USH2A: variants seen among roughly 807,000 people sequenced by gnomAD.
USH2A encodes usherin, also known as Usher syndrome 2A (autosomal recessive, mild).
In USH2A, 443 loss-of-function variants were observed where a neutral mutation model predicts 538.9. The ratio of observed to expected loss-of-function variants is 0.82; its 90% CI spans 0.76 to 0.89. The LOEUF (loss-of-function observed/expected upper bound fraction) is 0.89, where lower values mean the gene tolerates loss of function less well. USH2A is among the 40% of genes least tolerant of loss of function. The probability of loss-of-function intolerance (pLI) is 0.00; values close to 1 mark genes in which losing one functional copy is unlikely to be tolerated. For missense variants in USH2A, 6,633 were observed against 6,324.8 expected (o/e 1.05, Z -1.65); for synonymous variants, 2,413 against 2,273.5 (o/e 1.06, Z -1.75).
At chr1:215,991,517 A>G (rs1266619464) in intron 35 of USH2A, among the ~76,000 whole-genome samples, 4 of 152,220 alleles carry the variant, frequency 2.6e-5, no homozygotes, top group East Asian at 1.9e-4. Flanking sequence ...TTAAATGTCT[A>G]ACCATTGTAC....
At chr1:216,418,431 G>A (rs1266093505) in intron 3 of USH2A, 83 bp downstream of exon 3, 1 of 1,495,358 alleles carries the variant, frequency 6.7e-7, no homozygotes, top group African/African-American at 1.4e-5. Flanking sequence ...TGCAGATTTT[G>A]TGAGTAGATG....
At chr1:215,789,048 A>T (rs1223785289) in intron 51 of USH2A, among the ~76,000 whole-genome samples, 4 of 152,182 alleles carry the variant, frequency 2.6e-5, no homozygotes, top group Non-Finnish European at 5.9e-5. Context: ...TCCCATGGTG[A>T]TCCATTCCAG....
chr1:215,863,782 C>T (rs1664392965), intron 44 of USH2A, among the ~76,000 whole-genome samples: 1 of 151,820 alleles, frequency 6.6e-6, no homozygotes, highest in East Asian at 1.9e-4. Context: ...CGAGACTAAC[C>T]TAAGCATAGG....
chr1:215,773,369 G>A (rs1571672062), intron 55 of USH2A, among the ~76,000 whole-genome samples: 2 of 152,016 alleles, frequency 1.3e-5, no homozygotes, highest in African/African-American at 2.4e-5. Context: ...CTATGTAAAT[G>A]TCATACTTGA....
At chr1:216,130,708 CATTG>C (rs1289350226) in intron 21 of USH2A, among the ~76,000 whole-genome samples, 3 of 150,080 alleles carry the variant, frequency 2.0e-5, no homozygotes, top group Non-Finnish European at 4.4e-5. Flanking sequence ...TTTTTCCACA[CATTG>C]ATTGAAGGGC....
intron 37 of USH2A, among the ~76,000 whole-genome samples, chr1:215,945,711 T>G (rs900671772): frequency 6.6e-6 from 1 of 152,088 alleles, no homozygotes; most frequent in African/African-American, 2.4e-5. Flanking sequence ...TGTTCAGAAC[T>G]CATAGATGTC....
intron 9 of USH2A, among the ~76,000 whole-genome samples, chr1:216,300,493 G>T (rs1442627169): frequency 6.6e-6 from 1 of 152,270 alleles, no homozygotes; most frequent in South Asian, 2.1e-4. Flanking sequence ...CCGCTAAGTT[G>T]CAGCCAAATA....
At chr1:216,356,385 ATTC>A (rs370689977) in intron 4 of USH2A, among the ~76,000 whole-genome samples, 1,672 of 152,166 alleles carry the variant, frequency 0.011, 36 homozygotes, top group African/African-American at 0.035. Context: ...AATATTTTTA[ATTC>A]TTATTATAAA....
intron 47 of USH2A, among the ~76,000 whole-genome samples, chr1:215,822,974 G>C (rs974559373): frequency 3.9e-5 from 6 of 151,922 alleles, no homozygotes; most frequent in Non-Finnish European, 8.8e-5. Context: ...GTCTCAATTT[G>C]TATATTTTTA....
chr1:216,086,467 A>G (rs1571949819), intron 24 of USH2A, among the ~76,000 whole-genome samples: 1 of 152,282 alleles, frequency 6.6e-6, no homozygotes, highest in African/African-American at 2.4e-5. Context: ...TGAAATTATT[A>G]TAATTCATTT....
At chr1:215,829,241 T>G (rs1352993447) in intron 47 of USH2A, among the ~76,000 whole-genome samples, 1 of 152,198 alleles carries the variant, frequency 6.6e-6, no homozygotes, top group Non-Finnish European at 1.5e-5. Context: ...TCTATATTAT[T>G]TGTGTGCTAT....
Position 216,388,976 on chromosome 1 carries a change from A to G in USH2A, c.652-23891T>C, listed in dbSNP as rs114282960. On this transcript the variant is annotated intron_variant, in intron 3 of 71. Transcript: ENST00000307340. ...ATATGACAAATTTTCACAAAGTTATATATGATGGCAGTATAAGAATAAGAA... is the reference window on the plus strand; with the variant it reads ...ATATGACAAATTTTCACAAAGTTATGTATGATGGCAGTATAAGAATAAGAA... 2.7e-3 allele frequency among the ~76,000 whole-genome samples: 410 copies of G among 152,344 alleles called. 1 individual carries two copies. The highest frequency in any genetic ancestry group is 9.3e-3 in the African/African-American group (385 of 41,574).
intron 9 of USH2A, among the ~76,000 whole-genome samples, chr1:216,294,450 A>T (rs1337533215): frequency 6.6e-6 from 1 of 151,898 alleles, no homozygotes; most frequent in Non-Finnish European, 1.5e-5. Context: ...ATAATTAAAC[A>T]TCATGTATTT....
intron 20 of USH2A, among the ~76,000 whole-genome samples, chr1:216,186,322 G>C (rs1003080201): frequency 1.3e-5 from 2 of 151,514 alleles, no homozygotes; most frequent in African/African-American, 4.8e-5. Context: ...GCTAATTAGG[G>C]TAATCCCCAG....
chr1:216,336,333 G>C (rs553562068), intron 4 of USH2A, among the ~76,000 whole-genome samples: 2 of 151,154 alleles, frequency 1.3e-5, no homozygotes, highest in East Asian at 3.9e-4. Context: ...TTTTCCCTAA[G>C]ATCAGGAACA....
rs1304638790 is a variant in USH2A at position 215,786,816 on chromosome 1, C to T, written c.10241G>A (p.Gly3414Asp). Residue 3414 changes from glycine (G) to aspartate (D), a missense_variant, in exon 52 of 72, where the codon GGC (glycine) becomes GAC (aspartate). Coordinates refer to ENST00000307340, the MANE Select transcript of USH2A (RefSeq NM_206933.4). ...GCTGGTAAAGTTGAAGTCACACCTG[C>T]CACAATGTTCTGTGGCTTCCATAGA... ...PASMEATEHC[G>D]RCDFNFTSHI... 5 of 1,613,722 alleles carry T rather than the reference C, an allele frequency of 3.1e-6. No individual in the cohort carries two copies. The South Asian group carries it at 3.3e-5, about 11-fold the overall frequency.
intron 21 of USH2A, among the ~76,000 whole-genome samples, chr1:216,142,960 A>G (rs1345515999): frequency 1.3e-5 from 2 of 152,160 alleles, no homozygotes; most frequent in East Asian, 1.9e-4. Flanking sequence ...TCTTCTCTCC[A>G]TAACACCTCT....
intron 31 of USH2A, among the ~76,000 whole-genome samples, chr1:216,047,423 T>C (rs952344663): frequency 1.3e-5 from 2 of 152,090 alleles, no homozygotes; most frequent in Non-Finnish European, 2.9e-5. Flanking sequence ...GCAGATGCAA[T>C]GATACAACAA....
chr1:215,838,293 T>C (rs1022735940), intron 46 of USH2A, among the ~76,000 whole-genome samples, 190 bp from the exon 47 acceptor site: 15 of 152,160 alleles, frequency 9.9e-5, no homozygotes, highest in African/African-American at 3.4e-4. Context: ...AGGTACGGAA[T>C]TGGGATCAAG....
Sources: allele counts gnomAD v4.1 joint callset (sites outside exome capture counted in the v4.1 genomes callset), GRCh38; gene constraint gnomAD v4.1.1; transcripts MANE v1.5; gene names NCBI Gene and HGNC (gene_info 2026-07-23, HGNC 2026-07-21).